Variants in TTC28 observed in about 807,000 individuals in gnomAD.
TTC28 encodes tetratricopeptide repeat protein 28.
In TTC28, 61 loss-of-function variants were observed where a neutral mutation model predicts 198.0. The ratio of observed to expected loss-of-function variants is 0.31; its 90% CI spans 0.25 to 0.38. The LOEUF (loss-of-function observed/expected upper bound fraction) is 0.38, where lower values mean the gene tolerates loss of function less well. TTC28 is among the 10% of genes least tolerant of loss of function. The probability of loss-of-function intolerance (pLI) is 1.00; values close to 1 mark genes in which losing one functional copy is unlikely to be tolerated. For synonymous variants in TTC28, 1,171 were observed against 1,297.8 expected, an observed-to-expected ratio of 0.90 and a Z score of 2.10; for missense variants, 2,678 against 3,164.0, an observed-to-expected ratio of 0.85 and a Z score of 3.69.
intron 2 of TTC28, among the ~76,000 whole-genome samples, chr22:28,553,048 C>T (rs922256796): frequency 6.6e-6 from 1 of 152,122 alleles, no homozygotes. Context: ...CTCGGCCTCC[C>T]GAGGTGCCGG....
chr22:28,574,290 G>C (rs1236657508), intron 2 of TTC28, among the ~76,000 whole-genome samples: 1 of 152,126 alleles, frequency 6.6e-6, no homozygotes, highest in African/African-American at 2.4e-5. Context: ...GGGATTACAG[G>C]CATGAGCCAC....
intron 5 of TTC28, among the ~76,000 whole-genome samples, chr22:28,225,220 T>A (rs1257657694): frequency 6.6e-6 from 1 of 151,992 alleles, no homozygotes; most frequent in Non-Finnish European, 1.5e-5. Flanking sequence ...CCAGGCGTGA[T>A]GGTGCATGCA....
chr22:28,634,805 G>C (rs1303233821), intron 1 of TTC28, among the ~76,000 whole-genome samples: 1 of 151,436 alleles, frequency 6.6e-6, no homozygotes, highest in Non-Finnish European at 1.5e-5. Context: ...GGCTGGTCTC[G>C]AACTCCTGAC....
intron 8 of TTC28, among the ~76,000 whole-genome samples, chr22:28,105,049 C>T (rs531213148): frequency 6.6e-5 from 10 of 152,168 alleles, no homozygotes; most frequent in Admixed American, 3.9e-4. Context: ...AATCTGGGTC[C>T]GAGAGAGCAG....
chr22:28,587,720 T>C (rs1452511907), intron 2 of TTC28, among the ~76,000 whole-genome samples: 1 of 152,102 alleles, frequency 6.6e-6, no homozygotes, highest in African/African-American at 2.4e-5. Flanking sequence ...GTGCTGAGAT[T>C]ACAGGTGTCA....
At chr22:28,137,528 C>T (rs907393873) in intron 6 of TTC28, among the ~76,000 whole-genome samples, 1 of 152,040 alleles carries the variant, frequency 6.6e-6, no homozygotes, top group African/African-American at 2.4e-5. Context: ...TCTTGGAGGG[C>T]CCTCTTGGTT....
At chr22:28,341,648 G>A (rs190730315) in intron 2 of TTC28, among the ~76,000 whole-genome samples, 275 of 151,760 alleles carry the variant, frequency 1.8e-3, no homozygotes, top group Middle Eastern at 3.4e-3. Flanking sequence ...AAAAATTAGC[G>A]GGGCGTGGTG....
At chr22:28,573,578 G>T (rs1450731556) in intron 2 of TTC28, among the ~76,000 whole-genome samples, 1 of 151,874 alleles carries the variant, frequency 6.6e-6, no homozygotes, top group Non-Finnish European at 1.5e-5. Flanking sequence ...GTACATAGTA[G>T]GTATATATAT....
intron 2 of TTC28, among the ~76,000 whole-genome samples, chr22:28,606,084 T>G (rs926152081): frequency 1.6e-4 from 23 of 143,734 alleles, no homozygotes; most frequent in Non-Finnish European, 1.5e-5. Flanking sequence ...TTGTGAATAC[T>G]TTTTTTTTTT....
At chr22:28,324,607 AT>A (rs1190972412) in intron 2 of TTC28, among the ~76,000 whole-genome samples, 1 of 152,192 alleles carries the variant, frequency 6.6e-6, no homozygotes, top group East Asian at 1.9e-4. Context: ...AATAAACGTA[AT>A]CCACTACATA....
intron 13 of TTC28, among the ~76,000 whole-genome samples, chr22:28,017,305 C>T (rs1055427216): frequency 3.3e-5 from 5 of 152,198 alleles, no homozygotes; most frequent in Non-Finnish European, 7.4e-5. Flanking sequence ...TGGCGCTAAC[C>T]CATCCCACAT....
intron 2 of TTC28, among the ~76,000 whole-genome samples, chr22:28,453,301 C>T (rs2047812309): frequency 6.6e-6 from 1 of 152,176 alleles, no homozygotes; most frequent in African/African-American, 2.4e-5. Context: ...ATTTTTCTTG[C>T]ATGAACATAT....
At chr22:28,004,613 G>C (rs1268048449) in intron 14 of TTC28, among the ~76,000 whole-genome samples, 1 of 152,210 alleles carries the variant, frequency 6.6e-6, no homozygotes, top group East Asian at 1.9e-4. Context: ...TCCAAACTCT[G>C]TGAAATGAGG....
At chr22:28,422,697 G>A (rs1041017741) in intron 2 of TTC28, among the ~76,000 whole-genome samples, 3 of 151,904 alleles carry the variant, frequency 2.0e-5, no homozygotes, top group Non-Finnish European at 2.9e-5. Flanking sequence ...CACCCACCTC[G>A]GCCTCCCAAA....
chr22:28,311,723 T>TATC (rs1390016660), intron 2 of TTC28, among the ~76,000 whole-genome samples: 1 of 152,128 alleles, frequency 6.6e-6, no homozygotes, highest in Non-Finnish European at 1.5e-5. Flanking sequence ...AGGCTATAGT[T>TATC]ATCCTGTTGT....
At chr22:28,271,127 T>A (rs1397504891) in intron 5 of TTC28, among the ~76,000 whole-genome samples, 1 of 152,040 alleles carries the variant, frequency 6.6e-6, no homozygotes, top group African/African-American at 2.4e-5. Context: ...TTTTTTTTTT[T>A]TTAATAAAAG....
intron 12 of TTC28, among the ~76,000 whole-genome samples, chr22:28,052,442 G>A (rs1251764911): frequency 2.0e-5 from 3 of 152,164 alleles, no homozygotes; most frequent in Non-Finnish European, 4.4e-5. Context: ...AGCCCAGCCA[G>A]TAACTGGAAG....
At chr22:28,504,928 G>A (rs549319288) in intron 2 of TTC28, among the ~76,000 whole-genome samples, 1 of 152,042 alleles carries the variant, frequency 6.6e-6, no homozygotes, top group East Asian at 1.9e-4. Flanking sequence ...TTTTTCATAA[G>A]TATTTTTTCT....
Position 28,095,947 on chromosome 22 carries a change from C to T in TTC28, c.3766+243G>A, listed in dbSNP as rs138585860. ...AATTAATTCTTCTGCTTTTAGTCTT[C>T]CTTGATAAATGCTTCCACATTCAAC... On this transcript the variant is annotated intron_variant, in intron 11 of 22. Coordinates refer to ENST00000397906, the MANE Select transcript of TTC28 (RefSeq NM_001145418.2). Among the ~76,000 whole-genome samples the T allele has an allele frequency of 3.4e-3, 512 of 152,326 alleles. 2 individuals carry two copies. The highest frequency in any genetic ancestry group is 0.012 in the African/African-American group (480 of 41,574).
Sources: gnomAD v4.1 joint callset for allele counts (sites outside exome capture counted in the v4.1 genomes callset) on GRCh38, gnomAD v4.1.1 for gene constraint, MANE v1.5 for transcripts, NCBI Gene and HGNC (gene_info 2026-07-23, HGNC 2026-07-21) for gene names.